Variants in LRRC4C observed in about 807,000 individuals in gnomAD.
LRRC4C encodes the protein leucine rich repeat containing 4C.
In LRRC4C, 5 loss-of-function variants were observed where a neutral mutation model predicts 33.6. That is an observed-to-expected ratio of 0.15 (90% confidence interval 0.08 to 0.31). The LOEUF is 0.31. Among genes scored for constraint, LRRC4C ranks in the 10% least tolerant of loss-of-function variants. The pLI is 1.00. For synonymous variants in LRRC4C, 329 were observed against 302.0 expected, an observed-to-expected ratio of 1.09 and a Z score of -0.93; for missense variants, 560 against 796.7, an observed-to-expected ratio of 0.70 and a Z score of 3.58.
intron 2 of LRRC4C, among the ~76,000 whole-genome samples, chr11:40,705,823 C>T (rs1946143315): frequency 6.6e-6 from 1 of 152,116 alleles, no homozygotes; most frequent in Non-Finnish European, 1.5e-5. Flanking sequence ...CTCCCACCAA[C>T]AGTGTAAAAG....
At chr11:40,287,764 T>C (rs1943942145) in intron 4 of LRRC4C, among the ~76,000 whole-genome samples, 1 of 152,210 alleles carries the variant, frequency 6.6e-6, no homozygotes, top group Admixed American at 6.5e-5. Context: ...ACAGAATATA[T>C]TTTCCACAAT....
intron 5 of LRRC4C, among the ~76,000 whole-genome samples, chr11:40,231,911 G>T (rs1865227583): frequency 6.6e-6 from 1 of 152,070 alleles, no homozygotes; most frequent in East Asian, 1.9e-4. Context: ...TGCAAGATGT[G>T]CAGGTTTGTT....
rs541785202 is a variant in LRRC4C at position 40,117,824 on chromosome 11, T to G, written c.-42-1490A>C. On this transcript the variant is annotated intron_variant, in intron 6 of 6. Transcript: ENST00000528697. ...TATCCTTTCTGTGGCTTAATTTCTC[T>G]CCCACTTGCAAAATGGGAATGAAGA... Among the ~76,000 whole-genome samples, 8 of 152,058 alleles carry G rather than the reference T, an allele frequency of 5.3e-5. No homozygotes were observed. In the South Asian group the frequency reaches 1.7e-3, roughly 31 times the overall value.
At chr11:41,106,833 T>C (rs1334053745) in intron 1 of LRRC4C, among the ~76,000 whole-genome samples, 3 of 151,800 alleles carry the variant, frequency 2.0e-5, no homozygotes, top group Admixed American at 6.6e-5. Flanking sequence ...CTGAGCAAGA[T>C]GGCGAGACCC....
At chr11:40,899,951 A>G (rs1250246215) in intron 2 of LRRC4C, among the ~76,000 whole-genome samples, 1 of 152,106 alleles carries the variant, frequency 6.6e-6, no homozygotes, top group African/African-American at 2.4e-5. Flanking sequence ...GTACCTTAAG[A>G]CTATGTAAAT....
intron 1 of LRRC4C, among the ~76,000 whole-genome samples, chr11:41,137,102 G>C (rs1235829750): frequency 1.3e-5 from 2 of 152,116 alleles, no homozygotes; most frequent in African/African-American, 4.8e-5. Flanking sequence ...ACAAAAATTA[G>C]CCAGGTATGG....
At chr11:40,458,819 G>A (rs1952254660) in intron 3 of LRRC4C, among the ~76,000 whole-genome samples, 1 of 152,000 alleles carries the variant, frequency 6.6e-6, no homozygotes, top group Admixed American at 6.6e-5. Context: ...CCTTCACTTG[G>A]CTTCAAAGAG....
chr11:41,418,631 T>C (rs1954772003), intron 1 of LRRC4C, among the ~76,000 whole-genome samples: 1 of 152,046 alleles, frequency 6.6e-6, no homozygotes, highest in Admixed American at 6.6e-5. Context: ...ATCAACAACG[T>C]GAACTATCAC....
intron 3 of LRRC4C, among the ~76,000 whole-genome samples, chr11:40,341,513 C>T (rs1466297108): frequency 7.3e-6 from 1 of 137,002 alleles, no homozygotes; most frequent in African/African-American, 2.7e-5. Flanking sequence ...AACATATGGA[C>T]ACATCACACA....
intron 1 of LRRC4C, among the ~76,000 whole-genome samples, chr11:41,099,379 A>G (rs1941019716): frequency 2.1e-5 from 3 of 144,646 alleles, no homozygotes; most frequent in Admixed American, 2.1e-4. Flanking sequence ...GCAGAGACAT[A>G]AAAAAAAAAA....
chr11:41,457,675 T>C (rs989788562), intron 1 of LRRC4C, among the ~76,000 whole-genome samples: 1 of 152,108 alleles, frequency 6.6e-6, no homozygotes, highest in Non-Finnish European at 1.5e-5. Context: ...ACCTGGACAT[T>C]ACGGGTAACA....
intron 1 of LRRC4C, among the ~76,000 whole-genome samples, chr11:41,269,628 C>T (rs960764179): frequency 1.3e-5 from 2 of 152,062 alleles, no homozygotes; most frequent in African/African-American, 4.8e-5. Flanking sequence ...CTTGGTCTGT[C>T]TCTCTGGTGC....
At chr11:41,143,533 G>C (rs543287718) in intron 1 of LRRC4C, among the ~76,000 whole-genome samples, 1 of 152,262 alleles carries the variant, frequency 6.6e-6, no homozygotes, top group South Asian at 2.1e-4. Context: ...CTGCAGTGAC[G>C]TTCTTGGTCC....
chr11:40,238,603 A>T (rs1419068456), intron 5 of LRRC4C, among the ~76,000 whole-genome samples: 1 of 152,208 alleles, frequency 6.6e-6, no homozygotes, highest in Non-Finnish European at 1.5e-5. Flanking sequence ...CTCCAGTGTA[A>T]CTTTCATGGA....
chr11:40,579,087 C>T (rs1370664865), intron 3 of LRRC4C, among the ~76,000 whole-genome samples: 1 of 152,126 alleles, frequency 6.6e-6, no homozygotes, highest in Admixed American at 6.5e-5. Flanking sequence ...CTTTTAATCC[C>T]AGCTCTTTGG....
chr11:41,328,247 G>C (rs1052620572), intron 1 of LRRC4C, among the ~76,000 whole-genome samples: 3 of 152,162 alleles, frequency 2.0e-5, no homozygotes, highest in Non-Finnish European at 4.4e-5. Context: ...CACTGCAAAG[G>C]CAGTAAAAAT....
intron 1 of LRRC4C, among the ~76,000 whole-genome samples, chr11:41,395,887 T>C (rs940139247): frequency 6.6e-6 from 1 of 152,088 alleles, no homozygotes; most frequent in Non-Finnish European, 1.5e-5. Context: ...CTCAGGGAAC[T>C]AAAAGTAGTT....
At chr11:40,517,201 T>A (rs1438523732) in intron 3 of LRRC4C, among the ~76,000 whole-genome samples, 1 of 152,184 alleles carries the variant, frequency 6.6e-6, no homozygotes, top group Non-Finnish European at 1.5e-5. Context: ...AAATACAATA[T>A]GCTAATGTGT....
At chr11:40,177,949 A>C (rs1860649476) in intron 5 of LRRC4C, among the ~76,000 whole-genome samples, 1 of 152,176 alleles carries the variant, frequency 6.6e-6, no homozygotes, top group Non-Finnish European at 1.5e-5. Flanking sequence ...ATTTTCATAA[A>C]GACTTTGGTT....
Sources: allele counts gnomAD v4.1 joint callset (sites outside exome capture counted in the v4.1 genomes callset), GRCh38; gene constraint gnomAD v4.1.1; transcripts MANE v1.5; gene names NCBI Gene and HGNC (gene_info 2026-07-23, HGNC 2026-07-21).